The following IQSEC1 variants were observed in gnomAD, a reference collection of about 807,000 sequenced individuals.
IQSEC1 encodes the protein IQ motif and SEC7 domain-containing protein 1.
Under a neutral mutation model 91.0 loss-of-function variants are expected in IQSEC1, and 31 were observed. The observed-to-expected ratio is 0.34, with a 90% CI of 0.26 to 0.46. IQSEC1 has a LOEUF of 0.46. Among genes scored for constraint, IQSEC1 ranks in the 20% least tolerant of loss-of-function variants. The pLI, the probability that IQSEC1 is intolerant of heterozygous loss-of-function variation, is 1.00. For missense variants in IQSEC1, 1,388 were observed against 1,575.6 expected, an observed-to-expected ratio of 0.88 and a Z score of 2.02; for synonymous variants, 699 against 662.6, an observed-to-expected ratio of 1.05 and a Z score of -0.84.
intron 1 of IQSEC1, among the ~76,000 whole-genome samples, chr3:13,260,285 G>C (rs1293584758): frequency 6.6e-6 from 1 of 152,214 alleles, no homozygotes; most frequent in Non-Finnish European, 1.5e-5. Context: ...CTGCTTGGAA[G>C]CCAACCAGAA....
At chr3:13,212,749 T>C (rs772477023) in intron 1 of IQSEC1, among the ~76,000 whole-genome samples, 8 of 152,244 alleles carry the variant, frequency 5.3e-5, no homozygotes, top group Non-Finnish European at 1.0e-4. Flanking sequence ...TGGTTTTGAT[T>C]TGCCTTTCCT....
At chr3:12,954,740 G>A (rs1018757599) in intron 1 of IQSEC1, among the ~76,000 whole-genome samples, 5 of 152,228 alleles carry the variant, frequency 3.3e-5, no homozygotes, top group African/African-American at 1.2e-4. Context: ...CTGGGCACAT[G>A]GCAGGCGCTC....
intron 2 of IQSEC1, among the ~76,000 whole-genome samples, chr3:13,091,952 C>T (rs1202067593): frequency 1.3e-5 from 2 of 151,984 alleles, no homozygotes; most frequent in South Asian, 4.2e-4. Flanking sequence ...GACCTGGAGG[C>T]GCTGGAGCAG....
intron 1 of IQSEC1, among the ~76,000 whole-genome samples, chr3:13,219,026 A>T (rs887975437): frequency 6.6e-6 from 1 of 152,182 alleles, no homozygotes; most frequent in Non-Finnish European, 1.5e-5. Flanking sequence ...GGTCCAGGCC[A>T]GCAGCAGCTT....
chr3:13,063,433 A>G (rs904169739), intron 1 of IQSEC1, among the ~76,000 whole-genome samples: 1 of 152,216 alleles, frequency 6.6e-6, no homozygotes, highest in South Asian at 2.1e-4. Context: ...CTGTGGTGGC[A>G]GGAGGCACAG....
At chr3:13,251,150 C>G (rs1208187233) in intron 1 of IQSEC1, among the ~76,000 whole-genome samples, 58 of 152,310 alleles carry the variant, frequency 3.8e-4, no homozygotes, top group Non-Finnish European at 5.9e-5. Context: ...TGGCTGAGCC[C>G]TGGGCCAGGC....
intron 1 of IQSEC1, among the ~76,000 whole-genome samples, chr3:12,948,896 G>C (rs1009316339): frequency 6.6e-6 from 1 of 152,204 alleles, no homozygotes; most frequent in Non-Finnish European, 1.5e-5. Flanking sequence ...ACTTCTTACG[G>C]AGAGGGCAAA....
At chr3:12,991,052 A>T (rs551726795) in intron 1 of IQSEC1, among the ~76,000 whole-genome samples, 42 of 152,320 alleles carry the variant, frequency 2.8e-4, no homozygotes, top group South Asian at 2.3e-3. Context: ...GCTTGCTATG[A>T]TGGCCCCACT....
intron 1 of IQSEC1, among the ~76,000 whole-genome samples, chr3:13,279,374 T>C (rs1306436951): frequency 2.0e-5 from 3 of 152,198 alleles, no homozygotes; most frequent in African/African-American, 7.2e-5. Flanking sequence ...AGGCATCCCA[T>C]CACTGTATTT....
chr3:13,075,990 T>G (rs1265926448), upstream of IQSEC1, among the ~76,000 whole-genome samples: 1 of 152,110 alleles, frequency 6.6e-6, no homozygotes, highest in Non-Finnish European at 1.5e-5. Context: ...CAGGGCAGAT[T>G]TGTCAGCCAC....
At chr3:13,168,450 A>G (rs537738419) in intron 1 of IQSEC1, among the ~76,000 whole-genome samples, 1 of 152,100 alleles carries the variant, frequency 6.6e-6, no homozygotes, top group East Asian at 1.9e-4. Flanking sequence ...GATCATAAGC[A>G]CATCTCAGGG....
At chr3:13,110,307 C>T (rs1706221999) in intron 2 of IQSEC1, among the ~76,000 whole-genome samples, 1 of 151,852 alleles carries the variant, frequency 6.6e-6, no homozygotes, top group Admixed American at 6.6e-5. Context: ...TTAAAGAAAC[C>T]CGGCCGGGCG....
At chr3:13,227,945 G>GGACCCCCCACC (rs1197129319) in intron 1 of IQSEC1, among the ~76,000 whole-genome samples, 1 of 152,120 alleles carries the variant, frequency 6.6e-6, no homozygotes, top group Non-Finnish European at 1.5e-5. Context: ...AGCTTGCCGA[G>GGACCCCCCACC]GACCCCCCAC....
At chr3:13,013,013 T>G (rs1357495601) in intron 1 of IQSEC1, among the ~76,000 whole-genome samples, 1 of 130,374 alleles carries the variant, frequency 7.7e-6, no homozygotes, top group East Asian at 2.3e-4. Context: ...AAGGCTGGAG[T>G]GCAGTGGCAC....
chr3:13,096,162 C>T (rs1196345789), intron 2 of IQSEC1, among the ~76,000 whole-genome samples: 1 of 152,066 alleles, frequency 6.6e-6, no homozygotes, highest in Non-Finnish European at 1.5e-5. Context: ...GCTTTCCTAT[C>T]CCCTCTTTTT....
rs529306193 is a variant in IQSEC1 at position 13,200,952 on chromosome 3, G to C, written c.273-36819C>G. ...CCGTAACATGCACCTGGAAACAGAA[G>C]TATCAGCAAGATGGGGAAATCGAGC... On this transcript the variant is annotated intron_variant, in intron 1 of 15. Coordinates refer to the IQSEC1 transcript ENST00000648114. Among the ~76,000 whole-genome samples, 34 of 152,334 alleles carry C rather than the reference G, an allele frequency of 2.2e-4. 1 individual carries two copies. Among genetic ancestry groups the C allele is most frequent in the African/African-American group, 7.2e-4 (30 of 41,582 alleles).
In IQSEC1 at chr3:12,936,631, T is replaced by C; in HGVS notation, c.385A>G (p.Thr129Ala). 1 of 1,611,490 alleles carries C rather than the reference T, an allele frequency of 6.2e-7. No homozygotes were observed. Among genetic ancestry groups the C allele is most frequent in the Non-Finnish European group, 8.5e-7 (1 of 1,179,330 alleles). Reference sequence around the variant, plus strand: ...TTCATCTGGTACTGGCGAAACGCCGTCTGGATGGTGCGGGCCGCATGGCGG... The same window carrying C: ...TTCATCTGGTACTGGCGAAACGCCGCCTGGATGGTGCGGGCCGCATGGCGG... ...VTRHAARTIQTAFRQYQMNKN... is the reference protein window; with the variant it reads ...VTRHAARTIQAAFRQYQMNKN... Residue 129 changes from threonine to alanine, a missense_variant, in exon 3 of 14, where the codon ACG becomes GCG. This residue lies in a region of IQSEC1 where 1,059 missense variants were observed against 1,317.8 expected (regional missense o/e 0.80). Coordinates refer to ENST00000613206, the MANE Select transcript of IQSEC1 (RefSeq NM_001134382.3).
chr3:13,167,555 G>C (rs965124371), intron 1 of IQSEC1, among the ~76,000 whole-genome samples: 1 of 152,160 alleles, frequency 6.6e-6, no homozygotes, highest in African/African-American at 2.4e-5. Context: ...GGCAAGGAAG[G>C]GGAGGTGCTG....
intron 1 of IQSEC1, among the ~76,000 whole-genome samples, chr3:13,255,187 C>A (rs531471163): frequency 6.6e-6 from 1 of 152,330 alleles, no homozygotes; most frequent in South Asian, 2.1e-4. Context: ...GGCTGACCAC[C>A]CCCCAGCACC....
Sources: allele counts gnomAD v4.1 joint callset (sites outside exome capture counted in the v4.1 genomes callset), GRCh38; gene constraint gnomAD v4.1.1; regional missense constraint gnomAD v4.1.1; transcripts MANE v1.5; gene names NCBI Gene and HGNC (gene_info 2026-07-23, HGNC 2026-07-21).